Variants in FKBP1A observed in about 807,000 individuals in gnomAD.
FKBP1A encodes peptidyl-prolyl cis-trans isomerase FKBP1A.
A neutral mutation model predicts 14.2 loss-of-function variants in FKBP1A; 5 were observed. The ratio of observed to expected loss-of-function variants is 0.35; its 90% confidence interval spans 0.18 to 0.74. The LOEUF is 0.74. Ranked by LOEUF, FKBP1A falls within the 30% of genes least tolerant of loss-of-function variation. The pLI, the probability that FKBP1A is intolerant of heterozygous loss-of-function variation, is 0.56. For missense variants in FKBP1A, 53 were observed against 138.8 expected, an observed-to-expected ratio of 0.38 and a Z score of 3.10; for synonymous variants, 42 against 49.1, an observed-to-expected ratio of 0.86 and a Z score of 0.60.
At chr20:1,370,940 A>T (rs940446901) in intron 4 of FKBP1A, 8 of 985,362 alleles carry the variant, frequency 8.1e-6, no homozygotes, top group Admixed American at 6.1e-5. Flanking sequence ...AGGTGAAGAA[A>T]CCAGTTATCA....
In FKBP1A at chr20:1,386,608, G is replaced by C. The variant is rs1478491227; in HGVS notation, c.85+6226C>G. ...TGTATGCATCCAAAGTGTTACTTAA[G>C]CTGTGCTATAAAGAAAAGAGCCTGT... On this transcript the variant is annotated intron_variant, in intron 2 of 4. Transcript: ENST00000400137. This position sits in a 1 kb window ranked among gnomAD's most constrained non-coding sequence, Gnocchi z 4.7. 1.3e-5 allele frequency among the ~76,000 whole-genome samples: 2 copies of C among 152,198 alleles called. No homozygotes were observed. Among genetic ancestry groups the C allele is most frequent in the Non-Finnish European group, 2.9e-5 (2 of 68,046 alleles).
chr20:1,379,152 T>G lies in FKBP1A; in HGVS notation c.86-3549A>C, dbSNP rs184640508. Among the ~76,000 whole-genome samples, 9 of 152,330 alleles carry G rather than the reference T, an allele frequency of 5.9e-5. No individual in the cohort carries two copies. In the East Asian group the frequency reaches 1.7e-3, roughly 29 times the overall value. On this transcript the variant is annotated intron_variant, in intron 2 of 4. Transcript: ENST00000400137. This position sits in a 1 kb window ranked among gnomAD's most constrained non-coding sequence, Gnocchi z 4.3. ...CGGCTCTGACCTGTGCAAGATCGTATTTTGATTGCAGTGAAAGCCACAGGG... is the reference window on the plus strand; with the variant it reads ...CGGCTCTGACCTGTGCAAGATCGTAGTTTGATTGCAGTGAAAGCCACAGGG...
At chr20:1,374,099 T>C (rs1452760107) in intron 3 of FKBP1A, among the ~76,000 whole-genome samples, 3 of 152,222 alleles carry the variant, frequency 2.0e-5, no homozygotes, top group Non-Finnish European at 4.4e-5. Flanking sequence ...CTTGGTTAAA[T>C]TTCTAATTCT....
chr20:1,371,813 C>T (rs1213393989), intron 4 of FKBP1A: 37 of 1,135,432 alleles, frequency 3.3e-5, no homozygotes, highest in Non-Finnish European at 3.8e-5. Context: ...AATTTATAAA[C>T]TACATAGAAA....
rs566126830 is a variant in FKBP1A at position 1,379,862 on chromosome 20, G to C, written c.86-4259C>G. ...GACAAGGAGAAGGAGGGCTTCCCCA[G>C]TGGGGAGGAACAGGCCACTTATCTA... is the stretch of plus-strand genomic sequence containing the variant. On this transcript the variant is annotated intron_variant, in intron 2 of 4. Coordinates refer to ENST00000400137, the MANE Select transcript of FKBP1A (RefSeq NM_000801.5). The surrounding 1 kb of genome is among the most constrained non-coding windows in gnomAD (Gnocchi z 4.3). Among the ~76,000 whole-genome samples, 1 of 152,228 alleles carries C rather than the reference G, an allele frequency of 6.6e-6. No homozygotes were observed. Among genetic ancestry groups the C allele is most frequent in the African/African-American group, 2.4e-5 (1 of 41,468 alleles).
chr20:1,388,774 C>A (rs1325712616), intron 2 of FKBP1A, among the ~76,000 whole-genome samples: 18 of 152,164 alleles, frequency 1.2e-4, no homozygotes, highest in Non-Finnish European at 5.9e-5. Context: ...GCATTAAAAG[C>A]CAAGCCAGCC....
At chr20:1,374,027 T>C (rs2089504927) in intron 3 of FKBP1A, among the ~76,000 whole-genome samples, 1 of 152,232 alleles carries the variant, frequency 6.6e-6, no homozygotes, top group Non-Finnish European at 1.5e-5. Flanking sequence ...AGTGATATTT[T>C]ATAGAGGAAG....
chr20:1,384,927 T>C (rs2122698278), intron 2 of FKBP1A, among the ~76,000 whole-genome samples: 1 of 152,364 alleles, frequency 6.6e-6, no homozygotes, highest in African/African-American at 2.4e-5. Flanking sequence ...AAAAGTGTAT[T>C]TTCAAAGGCA....
intron 4 of FKBP1A, chr20:1,370,976 G>T (rs1188198122): frequency 4.1e-6 from 4 of 985,298 alleles, no homozygotes; most frequent in Non-Finnish European, 4.8e-6. Flanking sequence ...GTATTACCAA[G>T]GTGTGTGTGG....
chr20:1,381,971 A>G (rs1026569153), intron 2 of FKBP1A, among the ~76,000 whole-genome samples: 13 of 152,266 alleles, frequency 8.5e-5, no homozygotes, highest in African/African-American at 3.1e-4. Flanking sequence ...ATGAAGCTGT[A>G]CATTTTTAAA....
intron 2 of FKBP1A, among the ~76,000 whole-genome samples, chr20:1,376,240 G>T (rs1010929716): frequency 1.3e-5 from 2 of 152,232 alleles, no homozygotes; most frequent in African/African-American, 4.8e-5. Flanking sequence ...CTAGTGCCAA[G>T]TGTCTCACAC....
chr20:1,371,264 T>A, intron 4 of FKBP1A: 1 of 929,144 alleles, frequency 1.1e-6, no homozygotes, highest in South Asian at 5.0e-5. Context: ...ACTAGGATAC[T>A]GAGTTTAGTT....
At chr20:1,390,194 G>A (rs188496983) in intron 2 of FKBP1A, among the ~76,000 whole-genome samples, 3 of 152,258 alleles carry the variant, frequency 2.0e-5, no homozygotes, top group Non-Finnish European at 4.4e-5. Context: ...CTCTGGACCC[G>A]TGCCCAAATC....
chr20:1,384,355 G>A lies in FKBP1A; in HGVS notation c.85+8479C>T, dbSNP rs116443991. Among the ~76,000 whole-genome samples, 332 of 152,294 alleles carry A rather than the reference G, an allele frequency of 2.2e-3. 1 individual carries two copies. The highest frequency in any genetic ancestry group is 7.5e-3 in the African/African-American group (313 of 41,548). ...ATTGCTAGTGAATAATCATATGGGA[G>A]ACTACATTTAGAGAAAGAAATCTTA... On this transcript the variant is annotated intron_variant, in intron 2 of 4. Transcript: ENST00000400137.
intron 2 of FKBP1A, chr20:1,378,181 A>G (rs1326707481): frequency 6.6e-6 from 1 of 152,228 alleles, no homozygotes; most frequent in Non-Finnish European, 1.5e-5. Flanking sequence ...CTGTGTGAGG[A>G]TAAGATGTCT....
chr20:1,372,529 GC>G (rs1209698059), intron 3 of FKBP1A, among the ~76,000 whole-genome samples: 1 of 152,152 alleles, frequency 6.6e-6, no homozygotes, highest in Non-Finnish European at 1.5e-5. Flanking sequence ...AATGACTAAT[GC>G]TAGGCAGGTA....
chr20:1,390,541 C>T (rs949941405), intron 2 of FKBP1A, among the ~76,000 whole-genome samples: 2 of 152,096 alleles, frequency 1.3e-5, no homozygotes, highest in African/African-American at 2.4e-5. Flanking sequence ...ATTTCTTTTC[C>T]CTTCTTAGGA....
intron 3 of FKBP1A, among the ~76,000 whole-genome samples, chr20:1,373,938 C>A (rs1290403448): frequency 6.6e-6 from 1 of 152,192 alleles, no homozygotes; most frequent in Non-Finnish European, 1.5e-5. Flanking sequence ...CTCTGCCCTG[C>A]AGGAACAGAA....
chr20:1,388,262 G>A (rs77010077), intron 2 of FKBP1A, among the ~76,000 whole-genome samples: 2,375 of 152,290 alleles, frequency 0.016, 63 homozygotes, highest in African/African-American at 0.053. Context: ...AATACCATGA[G>A]AAAACAGTAA....
Sources: allele counts gnomAD v4.1 joint callset (sites outside exome capture counted in the v4.1 genomes callset), GRCh38; gene constraint gnomAD v4.1.1; non-coding constraint Gnocchi (gnomAD v3.1); transcripts MANE v1.5; gene names NCBI Gene and HGNC (gene_info 2026-07-23, HGNC 2026-07-21).